The following SDK1 variants were observed in gnomAD, a reference collection of about 807,000 sequenced individuals.
SDK1 encodes the protein protein sidekick-1.
In SDK1, 157 loss-of-function variants were observed where a neutral mutation model predicts 245.5. The observed-to-expected ratio is 0.64, with a 90% CI of 0.56 to 0.73. The LOEUF (loss-of-function observed/expected upper bound fraction) is 0.73. Among genes scored for constraint, SDK1 ranks in the 30% least tolerant of loss-of-function variants. SDK1 has a pLI of 0.00. For synonymous variants in SDK1, 1,647 were observed against 1,278.5 expected (o/e 1.29, Z -6.15); for missense variants, 3,583 against 3,002.3 (o/e 1.19, Z -4.52).
intron 4 of SDK1, among the ~76,000 whole-genome samples, chr7:3,689,603 C>T (rs1292705710): frequency 6.6e-6 from 1 of 152,164 alleles, no homozygotes; most frequent in Non-Finnish European, 1.5e-5. Flanking sequence ...TGCCATCCAC[C>T]TATTACAGAC....
intron 5 of SDK1, among the ~76,000 whole-genome samples, chr7:3,846,017 T>A (rs1006208624): frequency 2.6e-5 from 4 of 152,230 alleles, no homozygotes; most frequent in African/African-American, 9.6e-5. Flanking sequence ...AGTTTGTATT[T>A]CTTGATAACA....
At chr7:4,221,424 C>T in intron 40 of SDK1, 60 bp downstream of exon 40, 1 of 1,530,766 alleles carries the variant, frequency 6.5e-7, no homozygotes, top group Non-Finnish European at 8.8e-7. Flanking sequence ...GCTTCTAAGA[C>T]TGTGTCGGGG....
At chr7:3,646,582 G>A (rs1043745866) in intron 4 of SDK1, among the ~76,000 whole-genome samples, 2 of 152,068 alleles carry the variant, frequency 1.3e-5, no homozygotes, top group African/African-American at 4.8e-5. Context: ...TTCACACCCG[G>A]GTCTGCCTGA....
chr7:3,614,907 T>G (rs1198927388), intron 1 of SDK1, among the ~76,000 whole-genome samples: 1 of 144,192 alleles, frequency 6.9e-6, no homozygotes, highest in African/African-American at 2.5e-5. Flanking sequence ...AACCATTCTT[T>G]AAAATGAGCT....
intron 40 of SDK1, chr7:4,227,332 C>G: frequency 2.1e-6 from 1 of 468,548 alleles, no homozygotes; most frequent in Admixed American, 2.4e-5. Context: ...CTTCCCACCC[C>G]TTCCTGGGAT....
intron 4 of SDK1, among the ~76,000 whole-genome samples, chr7:3,672,762 TA>T (rs1562646632): frequency 5.7e-4 from 33 of 57,642 alleles, no homozygotes; most frequent in African/African-American, 2.0e-3. Flanking sequence ...TATAATTTTA[TA>T]TATATATATA....
At chr7:3,662,543 G>T (rs145056901) in intron 4 of SDK1, among the ~76,000 whole-genome samples, 1 of 152,170 alleles carries the variant, frequency 6.6e-6, no homozygotes, top group Non-Finnish European at 1.5e-5. Context: ...CTTCCTGGAG[G>T]TCCAGAGAGA....
intron 1 of SDK1, among the ~76,000 whole-genome samples, chr7:3,361,134 G>T (rs892433308): frequency 6.6e-6 from 1 of 152,122 alleles, no homozygotes; most frequent in African/African-American, 2.4e-5. Context: ...ATCTGCAATT[G>T]ATACTGTAGT....
chr7:3,460,308 G>C (rs909386383), intron 1 of SDK1, among the ~76,000 whole-genome samples: 1 of 152,272 alleles, frequency 6.6e-6, no homozygotes, highest in African/African-American at 2.4e-5. Flanking sequence ...CTCTGAGAAA[G>C]AAATGAGTGA....
At chr7:3,759,933 A>T (rs1780044712) in intron 4 of SDK1, among the ~76,000 whole-genome samples, 1 of 152,090 alleles carries the variant, frequency 6.6e-6, no homozygotes, top group Admixed American at 6.5e-5. Context: ...CTTTTGTTTT[A>T]CAATTTGCTG....
intron 22 of SDK1, among the ~76,000 whole-genome samples, chr7:4,105,804 C>T (rs556827877): frequency 1.2e-3 from 178 of 152,160 alleles, no homozygotes; most frequent in African/African-American, 4.1e-3. Context: ...CAGCCAGTTG[C>T]AGAGAGGAGG....
At chr7:3,518,596 A>C (rs1020592875) in intron 1 of SDK1, among the ~76,000 whole-genome samples, 1 of 152,116 alleles carries the variant, frequency 6.6e-6, no homozygotes, top group Admixed American at 6.6e-5. Context: ...CAACATCACT[A>C]ATCAGGGAAA....
intron 1 of SDK1, among the ~76,000 whole-genome samples, chr7:3,539,349 G>C (rs1443582753): frequency 1.3e-5 from 2 of 152,184 alleles, no homozygotes; most frequent in Admixed American, 6.5e-5. Context: ...TAGATAGGTA[G>C]GTAGATAGAC....
At chr7:3,966,446 G>C (rs954402968) in intron 9 of SDK1, among the ~76,000 whole-genome samples, 7 of 152,048 alleles carry the variant, frequency 4.6e-5, no homozygotes, top group African/African-American at 1.4e-4. Flanking sequence ...GCGAGCCCTC[G>C]CTGAAGCCAT....
At chr7:4,062,038 C>T (rs890680010) in intron 19 of SDK1, among the ~76,000 whole-genome samples, 3 of 150,056 alleles carry the variant, frequency 2.0e-5, no homozygotes, top group South Asian at 2.1e-4. Flanking sequence ...TGCTAAATGA[C>T]GAGTTAATGG....
chr7:3,391,966 A>AATATATATATATATATATATATATAT (rs55768106), intron 1 of SDK1, among the ~76,000 whole-genome samples: 106 of 143,978 alleles, frequency 7.4e-4, no homozygotes, highest in African/African-American at 2.1e-3. Flanking sequence ...TATATCATGT[A>AATATATATATATATATATATATATAT]ATATATATAT....
intron 22 of SDK1, among the ~76,000 whole-genome samples, chr7:4,102,209 C>A (rs1782599774): frequency 6.6e-6 from 1 of 152,052 alleles, no homozygotes; most frequent in Non-Finnish European, 1.5e-5. Context: ...TCTGGGCCTT[C>A]CTGGTTTCCT....
chr7:3,716,913 C>T (rs1480331893), intron 4 of SDK1, among the ~76,000 whole-genome samples: 1 of 151,806 alleles, frequency 6.6e-6, no homozygotes, highest in African/African-American at 2.4e-5. Context: ...GAAAGAAGAA[C>T]AAATAAGTGG....
chr7:3,665,528 A>G (rs756180058), intron 4 of SDK1, among the ~76,000 whole-genome samples: 2 of 152,128 alleles, frequency 1.3e-5, no homozygotes, highest in Non-Finnish European at 2.9e-5. Context: ...GATGTTCAAG[A>G]AGTATTTGTT....
Sources: gnomAD v4.1 joint callset for allele counts (sites outside exome capture counted in the v4.1 genomes callset) on GRCh38, gnomAD v4.1.1 for gene constraint, MANE v1.5 for transcripts, NCBI Gene and HGNC (gene_info 2026-07-23, HGNC 2026-07-21) for gene names.